DUS2: variants seen among roughly 807,000 people sequenced by gnomAD.
DUS2 encodes the protein dihydrouridine synthase 2.
In DUS2, 52 loss-of-function variants were observed where a neutral mutation model predicts 71.3. That is an observed-to-expected ratio of 0.73 (90% CI 0.58 to 0.92). The LOEUF (loss-of-function observed/expected upper bound fraction) is 0.92, where lower values mean the gene tolerates loss of function less well. Among genes scored for constraint, DUS2 ranks in the 40% least tolerant of loss-of-function variants. The pLI, the probability that DUS2 is intolerant of heterozygous loss-of-function variation, is 0.00. For synonymous variants in DUS2, 204 were observed against 227.8 expected (o/e 0.90, Z 0.94); for missense variants, 558 against 622.6 (o/e 0.90, Z 1.10).
intron 2 of DUS2, chr16:68,026,911 A>AT (rs1567467082): frequency 6.8e-6 from 1 of 146,326 alleles, no homozygotes; most frequent in East Asian, 2.0e-4. Context: ...AGCTATGGCC[A>AT]TGTTACCCTT....
chr16:68,053,849 TC>T (rs1430595754), intron 5 of DUS2, 194 bp downstream of exon 5: 1 of 579,986 alleles, frequency 1.7e-6, no homozygotes, highest in Non-Finnish European at 3.1e-6. Flanking sequence ...TTTATGGAAA[TC>T]AAGCTATCAC....
In DUS2 at chr16:68,056,331, A is replaced by G. The variant is rs371513033; in HGVS notation, c.309-33A>G. 29 of 1,595,532 alleles carry G rather than the reference A, an allele frequency of 1.8e-5. No individual in the cohort carries two copies. The African/African-American group carries it at 3.8e-4, about 21-fold the overall frequency. ...TTCACCTTCTTTGCTCTAATTCAAT[A>G]CTTATTACCTTTACTCCTTCATCCT... On this transcript the variant is annotated intron_variant, in intron 6 of 16. Coordinates refer to ENST00000565263, the MANE Select transcript of DUS2 (RefSeq NM_017803.5).
chr16:68,079,147 G>A lies in DUS2; in HGVS notation c.*161G>A, dbSNP rs751134187. 26 of 586,996 alleles carry A rather than the reference G, an allele frequency of 4.4e-5. No individual in the cohort carries two copies. The highest frequency in any genetic ancestry group is 6.2e-5 in the Non-Finnish European group (22 of 356,474). The allele number at this position is 586,996 out of a possible 1,614,324, so 36.4% of individuals were successfully genotyped here. A position where few individuals can be genotyped will look rare whatever the true frequency, so the allele number is the denominator to read the frequency against. Reference sequence around the variant, plus strand: ...CAGCCTAGAGCATGGACCAGGGGCCGCCCAGGGGTGGATCCTGGCCCCTTT... The same window carrying A: ...CAGCCTAGAGCATGGACCAGGGGCCACCCAGGGGTGGATCCTGGCCCCTTT... On this transcript the variant is annotated 3_prime_UTR_variant, in exon 17 of 17. Coordinates refer to ENST00000565263, the MANE Select transcript of DUS2 (RefSeq NM_017803.5).
At chr16:68,035,884 T>TTATATATATATATA (rs71145987) in intron 2 of DUS2, among the ~76,000 whole-genome samples, 9 of 113,306 alleles carry the variant, frequency 7.9e-5, no homozygotes, top group African/African-American at 3.6e-4. Flanking sequence ...CCCGCTAATT[T>TTATATATATATATA]TATATATATA....
At position 68,070,226 on chromosome 16, in the gene DUS2, C is replaced by T. The variant is rs2034065157; in HGVS notation, c.641+6C>T. ...TCCATTCCTGTCATAGCCAAGTAAG[C>T]CTCCTGTCTTCATCATGTACTCTGT... On this transcript the variant is annotated splice_donor_region_variant and intron_variant, in intron 11 of 16. Transcript: ENST00000565263. The T allele has an allele frequency of 6.2e-7, 1 of 1,613,026 alleles. No homozygotes were observed. Among genetic ancestry groups the T allele is most frequent in the Non-Finnish European group, 8.5e-7 (1 of 1,179,134 alleles).
At chr16:68,052,939 G>A (rs1219675857) in intron 4 of DUS2, among the ~76,000 whole-genome samples, 2 of 150,284 alleles carry the variant, frequency 1.3e-5, no homozygotes, top group Non-Finnish European at 2.9e-5. Flanking sequence ...CACTGCGCCC[G>A]GCTATGTATG....
At chr16:68,058,545 ACTT>A (rs1386068701) in intron 7 of DUS2, among the ~76,000 whole-genome samples, 1 of 152,118 alleles carries the variant, frequency 6.6e-6, no homozygotes, top group African/African-American at 2.4e-5. Context: ...TTTTCTGATT[ACTT>A]CTTTGTGTTC....
Position 68,078,535 on chromosome 16 carries a change from TAGGAG to T in DUS2, c.1244+23_1244+27del, listed in dbSNP as rs2034191209. 3.7e-6 allele frequency: 6 copies of T among 1,612,290 alleles called. No individual in the cohort carries two copies. Among genetic ancestry groups the T allele is most frequent in the East Asian group, 2.2e-5 (1 of 44,882 alleles). On this transcript the variant is annotated intron_variant, in intron 16 of 16. Transcript: ENST00000565263. ...TACCTTGTGGTAAGTTTCCTTATCA[TAGGAG>T]AGGAGGCTTGGGGTGGGGCGGAGAG... is the stretch of plus-strand genomic sequence containing the variant.
intron 3 of DUS2, among the ~76,000 whole-genome samples, chr16:68,043,222 C>T (rs1055933184): frequency 6.6e-6 from 1 of 152,070 alleles, no homozygotes; most frequent in African/African-American, 2.4e-5. Context: ...GCCTAGGCAA[C>T]ATGGTGAAAC....
chr16:68,078,380 C>T, intron 15 of DUS2, 65 bp from the exon 16 acceptor site: 1 of 1,444,050 alleles, frequency 6.9e-7, no homozygotes. Context: ...TTTGATTTGA[C>T]CCCAGCAGTT....
intron 2 of DUS2, among the ~76,000 whole-genome samples, chr16:68,027,850 C>T (rs1249411218): frequency 6.6e-6 from 1 of 151,320 alleles, no homozygotes; most frequent in Non-Finnish European, 1.5e-5. Flanking sequence ...AGGGACGTGG[C>T]CCCTGGGCAG....
At chr16:68,068,669 A>G (rs1598317127) in intron 10 of DUS2, among the ~76,000 whole-genome samples, 1 of 137,676 alleles carries the variant, frequency 7.3e-6, no homozygotes, top group Non-Finnish European at 1.5e-5. Context: ...GCTCACTGCA[A>G]CCTTCGCCTC....
chr16:68,054,628 CCT>C lies in DUS2; in HGVS notation c.308+14_308+15del. On this transcript the variant is annotated intron_variant, in intron 6 of 16. Coordinates refer to ENST00000565263, the MANE Select transcript of DUS2 (RefSeq NM_017803.5). Reference sequence around the variant, plus strand: ...TGTGGCCAGGCTTGTGTAAGTTCATCCTCTGTCTTTAGCACTGCCTTTGCCTC... The same window carrying C: ...TGTGGCCAGGCTTGTGTAAGTTCATCCTGTCTTTAGCACTGCCTTTGCCTC... 6.2e-7 allele frequency: 1 copy of C among 1,614,124 alleles called. No homozygotes were observed. The highest frequency in any genetic ancestry group is 8.5e-7 in the Non-Finnish European group (1 of 1,180,016).
intron 12 of DUS2, among the ~76,000 whole-genome samples, 174 bp downstream of exon 12, chr16:68,071,282 G>A (rs1308147401): frequency 6.6e-6 from 1 of 152,218 alleles, no homozygotes; most frequent in African/African-American, 2.4e-5. Flanking sequence ...CTCCCCAGCT[G>A]CAATGCTAAG....
At chr16:68,056,916 T>C (rs144716472) in intron 7 of DUS2, among the ~76,000 whole-genome samples, 6 of 143,218 alleles carry the variant, frequency 4.2e-5, no homozygotes, top group African/African-American at 1.5e-4. Flanking sequence ...TTATTCTATA[T>C]AATATAATAA....
At chr16:68,053,740 T>C in intron 5 of DUS2, 85 bp downstream of exon 5, 1 of 1,389,940 alleles carries the variant, frequency 7.2e-7, no homozygotes, top group South Asian at 1.2e-5. Context: ...AGGCCAGTGT[T>C]GAATACCTGG....
intron 9 of DUS2, 46 bp downstream of exon 9, chr16:68,066,428 G>A: frequency 1.2e-6 from 2 of 1,603,326 alleles, no homozygotes; most frequent in Non-Finnish European, 1.7e-6. Flanking sequence ...CTCTGGTGAT[G>A]TTGGATTTAG....
intron 2 of DUS2, among the ~76,000 whole-genome samples, chr16:68,026,141 C>G (rs577487424): frequency 2.0e-5 from 3 of 152,282 alleles, no homozygotes; most frequent in African/African-American, 7.2e-5. Flanking sequence ...CAGGCACGTG[C>G]TACCAAACCC....
Position 68,074,081 on chromosome 16 carries a change from C to G in DUS2, c.858C>G (p.Cys286Trp). The G allele has an allele frequency of 6.2e-7, 1 of 1,614,190 alleles. No individual in the cohort carries two copies. Among genetic ancestry groups the G allele is most frequent in the Non-Finnish European group, 8.5e-7 (1 of 1,180,026 alleles). The change falls in exon 13 of 17, where the codon TGC (cysteine) becomes TGG (tryptophan). Residue 286 changes from cysteine (C) to tryptophan (W), a missense_variant. Physicochemically the swap from Cys to Trp is radical, Grantham distance 215. Transcript: ENST00000565263. ...ACACCAACACCAAGTACTGCTTGTG[C>G]CAGATGCTACGAGAACAGCTGGAGT... ...NHYTNTKYCL[C>W]QMLREQLESP...
Sources: gnomAD v4.1 joint callset for allele counts (sites outside exome capture counted in the v4.1 genomes callset) on GRCh38, gnomAD v4.1.1 for gene constraint, MANE v1.5 for transcripts, NCBI Gene and HGNC (gene_info 2026-07-23, HGNC 2026-07-21) for gene names.